TCF7: variants seen among roughly 807,000 people sequenced by gnomAD.
TCF7 encodes the protein T-cell-factor-7.
TCF7 carries 19 observed loss-of-function variants against 46.8 expected under a neutral mutation model. That is an observed-to-expected ratio of 0.41 (90% CI 0.28 to 0.60). The LOEUF (loss-of-function observed/expected upper bound fraction) is 0.60, where lower values mean the gene tolerates loss of function less well. Ranked by LOEUF, TCF7 falls within the 20% of genes least tolerant of loss-of-function variation. The probability of loss-of-function intolerance (pLI) is 0.35; values close to 1 mark genes in which losing one functional copy is unlikely to be tolerated. For synonymous variants in TCF7, 245 were observed against 213.4 expected (o/e 1.15, Z -1.29); for missense variants, 547 against 504.6 (o/e 1.08, Z -0.81).
intron 3 of TCF7, among the ~76,000 whole-genome samples, chr5:134,122,432 C>T (rs1446320724): frequency 6.6e-6 from 1 of 152,192 alleles, no homozygotes; most frequent in Non-Finnish European, 1.5e-5. Context: ...CGGGAATATT[C>T]ATACCAGCAC....
intron 5 of TCF7, among the ~76,000 whole-genome samples, chr5:134,140,327 T>G (rs2149345073): frequency 6.6e-6 from 1 of 152,252 alleles, no homozygotes; most frequent in Middle Eastern, 3.4e-3. Flanking sequence ...CAGGGCACTG[T>G]TGGTAGTGCT....
chr5:134,123,630 A>G (rs1354809797), intron 3 of TCF7: 1 of 453,438 alleles, frequency 2.2e-6, no homozygotes, highest in African/African-American at 2.0e-5. Context: ...ACAGAGGCCC[A>G]GGGTCTACGA....
At chr5:134,113,875 G>A (rs954237482), upstream of TCF7, among the ~76,000 whole-genome samples, 1 of 152,338 alleles carries the variant, frequency 6.6e-6, no homozygotes, top group African/African-American at 2.4e-5. Flanking sequence ...GAGTTGCTGT[G>A]GACGAGCGAC....
chr5:134,132,603 G>A (rs999507632), intron 3 of TCF7, among the ~76,000 whole-genome samples: 5 of 152,352 alleles, frequency 3.3e-5, no homozygotes, highest in Middle Eastern at 3.4e-3. Context: ...AGAGTCAACC[G>A]TCAGAGGCGA....
chr5:134,115,403 G>T lies in TCF7; in HGVS notation c.316+16G>T, dbSNP rs368895055. 70 of 1,591,102 alleles carry T rather than the reference G, an allele frequency of 4.4e-5. 2 individuals are homozygous for T. In the South Asian group the frequency reaches 4.4e-4, roughly 10 times the overall value. On this transcript the variant is annotated intron_variant, in intron 2 of 9. Coordinates refer to ENST00000342854, the MANE Select transcript of TCF7 (RefSeq NM_003202.5). ...CTGGAGGACGGTGAGTTTCTGCCCG[G>T]CCCGGCTTCCCTTCGTCGCGCTCAG...
At chr5:134,144,943 C>G (rs1479792844) in intron 9 of TCF7, 17 of 1,323,832 alleles carry the variant, frequency 1.3e-5, no homozygotes, top group Non-Finnish European at 1.7e-5. Context: ...TCCACTGGGC[C>G]TGCAGCCCAC....
intron 9 of TCF7, chr5:134,144,728 G>A: frequency 8.4e-7 from 1 of 1,187,910 alleles, no homozygotes; most frequent in Non-Finnish European, 1.3e-6. Flanking sequence ...CTTCTTTCTG[G>A]GCCCTGCTCT....
chr5:134,138,879 T>C, intron 4 of TCF7, 72 bp from the exon 5 acceptor site: 1 of 1,595,042 alleles, frequency 6.3e-7, no homozygotes, highest in Admixed American at 1.7e-5. Flanking sequence ...TAGGAGGTTC[T>C]AGGATGCAGT....
At chr5:134,124,225 C>T (rs1757017004) in intron 3 of TCF7, among the ~76,000 whole-genome samples, 2 of 152,208 alleles carry the variant, frequency 1.3e-5, no homozygotes, top group Non-Finnish European at 2.9e-5. Context: ...TTGTCAGCTT[C>T]TTGGTTCAGG....
At chr5:134,142,365 C>T in intron 6 of TCF7, 61 bp downstream of exon 6, 1 of 1,512,046 alleles carries the variant, frequency 6.6e-7, no homozygotes, top group Non-Finnish European at 8.9e-7. Context: ...GCCTCCCCAC[C>T]AGGCCTGAGG....
rs1192789306 is a variant in TCF7, at chr5:134,114,845, C to T, written c.-62C>T. ...GACTCCGGGCTCGCCGCCCCCCGGG[C>T]CGGCTCCGCGCCCCGCACTCCCGGC... is the stretch of plus-strand genomic sequence containing the variant. On this transcript the variant is annotated 5_prime_UTR_variant, in exon 1 of 10. Transcript: ENST00000342854. The T allele has an allele frequency of 2.0e-6, 2 of 981,686 alleles. No homozygotes were observed. Among genetic ancestry groups the T allele is most frequent in the Non-Finnish European group, 2.4e-6 (2 of 828,960 alleles). 60.8% of individuals were successfully genotyped at this position (981,686 alleles called of 1,614,324 possible). A position where few individuals can be genotyped will look rare whatever the true frequency, so the allele number is the denominator to read the frequency against.
chr5:134,137,711 G>GC (rs5871523), intron 3 of TCF7, among the ~76,000 whole-genome samples: 7,154 of 152,190 alleles, frequency 0.047, 486 homozygotes, highest in African/African-American at 0.15. Context: ...GGGTCCTCAG[G>GC]CCATGCCCTG....
intron 9 of TCF7, chr5:134,144,809 C>T (rs1281255305): frequency 1.9e-6 from 3 of 1,614,232 alleles, no homozygotes; most frequent in Non-Finnish European, 2.5e-6. Context: ...CCTGGCTCGC[C>T]TAAGAAATGC....
chr5:134,108,605 T>TG, the TCF7 span, among the ~76,000 whole-genome samples: 1 of 152,096 alleles, frequency 6.6e-6, no homozygotes, highest in Admixed American at 6.5e-5. Flanking sequence ...TGAAGCCCCA[T>TG]GCAAGGCAGT....
At chr5:134,145,659 T>G in intron 9 of TCF7, 1 of 1,438,078 alleles carries the variant, frequency 7.0e-7, no homozygotes, top group Non-Finnish European at 9.7e-7. Context: ...GAGTTTGGGG[T>G]GTGTCTGTGT....
intron 9 of TCF7, chr5:134,143,955 A>G (rs184891827): frequency 3.2e-4 from 105 of 328,894 alleles, no homozygotes; most frequent in African/African-American, 2.2e-3. Flanking sequence ...AACTGACTGT[A>G]TGGTTTGATG....
chr5:134,126,709 C>T (rs1046790825), intron 3 of TCF7, among the ~76,000 whole-genome samples: 3 of 152,028 alleles, frequency 2.0e-5, no homozygotes, highest in African/African-American at 7.2e-5. Context: ...CCAGCCTGAC[C>T]AACATGGTGA....
chr5:134,142,290 C>T lies in TCF7; in HGVS notation c.741C>T (p.Pro247=). ...CCTCAGGGAAGCAGGAGCTGCAGCC[C>T]TTCGACCGCAACCTGTGAGTGAAAA... ...VPPSGKQELQ[P]FDRNLKTQAE... is the part of the protein sequence containing the mutation. The change falls in exon 6 of 10, where the codon CCC becomes CCT. Residue 247 remains proline, a synonymous_variant. Coordinates refer to ENST00000342854, the MANE Select transcript of TCF7 (RefSeq NM_003202.5). 1.3e-6 allele frequency: 2 copies of T among 1,592,130 alleles called. No individual in the cohort carries two copies. The highest frequency in any genetic ancestry group is 1.7e-6 in the Non-Finnish European group (2 of 1,165,792).
intron 5 of TCF7, chr5:134,140,654 C>T (rs1759608549): frequency 5.3e-6 from 2 of 374,784 alleles, no homozygotes; most frequent in Non-Finnish European, 1.1e-5. Flanking sequence ...ACAAGCTGCC[C>T]TCTGGTGGCA....
Sources: allele counts gnomAD v4.1 joint callset (sites outside exome capture counted in the v4.1 genomes callset), GRCh38; gene constraint gnomAD v4.1.1; transcripts MANE v1.5; gene names NCBI Gene and HGNC (gene_info 2026-07-23, HGNC 2026-07-21).